Variants in PIEZO2 observed in about 807,000 individuals in gnomAD.
PIEZO2 encodes piezo type mechanosensitive ion channel component 2.
In PIEZO2, 172 loss-of-function variants were observed where a neutral mutation model predicts 337.3. The observed-to-expected ratio is 0.51, with a 90% CI of 0.45 to 0.58. The LOEUF (loss-of-function observed/expected upper bound fraction) is 0.58. PIEZO2 is among the 20% of genes least tolerant of loss of function. The pLI, the probability that PIEZO2 is intolerant of heterozygous loss-of-function variation, is 0.00. For missense variants in PIEZO2, 3,028 were observed against 3,391.3 expected (o/e 0.89, Z 2.66); for synonymous variants, 1,251 against 1,228.5 (o/e 1.02, Z -0.38).
intron 2 of PIEZO2, among the ~76,000 whole-genome samples, chr18:10,990,144 T>C (rs2035034784): frequency 6.6e-6 from 1 of 152,096 alleles, no homozygotes. Context: ...TCAAACAACA[T>C]AGCTGGTGCT....
intron 2 of PIEZO2, among the ~76,000 whole-genome samples, chr18:10,981,916 C>T (rs2145498174): frequency 6.6e-6 from 1 of 152,298 alleles, no homozygotes. Flanking sequence ...TTGCCAGGGG[C>T]ACTTGGGCCT....
chr18:10,885,331 G>A (rs1489055128), intron 4 of PIEZO2, among the ~76,000 whole-genome samples: 1 of 152,156 alleles, frequency 6.6e-6, no homozygotes, highest in East Asian at 1.9e-4. Context: ...GGCTGAGGCA[G>A]GAGAATGGCA....
In PIEZO2 at chr18:10,795,374, ATTTTATTTTATTTTATTTTAT is replaced by A. The variant is rs529106681; in HGVS notation, c.1528-393_1528-373del. Among the ~76,000 whole-genome samples, 13,381 of 56,656 alleles carry A rather than the reference ATTTTATTTTATTTTATTTTAT, an allele frequency of 0.24. 990 individuals are homozygous for A. Among genetic ancestry groups the A allele is most frequent in the African/African-American group, 0.28 (5,728 of 20,356 alleles). The allele number at this position is 56,656 out of a possible 152,430, so 37.2% of individuals were successfully genotyped here. A position where few individuals can be genotyped will look rare whatever the true frequency, so the allele number is the denominator to read the frequency against. ...TTATTATTTTATTTTATTTTATTTT[ATTTTATTTTATTTTATTTTAT>A]TTTATTTTATTTTATTCAGCTCTAT... On this transcript the variant is annotated intron_variant, in intron 12 of 55. Transcript: ENST00000674853. The surrounding 1 kb of genome is among the most constrained non-coding windows in gnomAD (Gnocchi z 4.4).
In PIEZO2 at chr18:10,718,274, CA is replaced by C; in HGVS notation, c.5030-16del. 1 of 1,533,094 alleles carries C rather than the reference CA, an allele frequency of 6.5e-7. No individual in the cohort carries two copies. Among genetic ancestry groups the C allele is most frequent in the South Asian group, 1.2e-5 (1 of 83,928 alleles). 95.0% of individuals were successfully genotyped at this position (1,533,094 alleles called of 1,614,324 possible). Reference sequence around the variant, plus strand: ...TTCCACAGGACCTGCCAAGTGTGTTCAATAAAGATGAGTTAAATTCCATCTA... The same window carrying C: ...TTCCACAGGACCTGCCAAGTGTGTTCATAAAGATGAGTTAAATTCCATCTA... On this transcript the variant is annotated splice_polypyrimidine_tract_variant and intron_variant, in intron 36 of 55. Coordinates refer to ENST00000674853, the MANE Select transcript of PIEZO2 (RefSeq NM_001378183.1).
rs566011908 is a variant in PIEZO2, at chr18:10,803,858, C to G, written c.1200+17G>C. On this transcript the variant is annotated intron_variant, in intron 9 of 55. Transcript: ENST00000674853. ...CAGAAAAATTAGGGAACGGAAATCC[C>G]TTTCATCATGGCTTACTTTTCTCTC... 2.4e-5 allele frequency: 37 copies of G among 1,535,894 alleles called. 1 individual carries two copies. The South Asian group carries it at 4.1e-4, about 17-fold the overall frequency.
rs1472064545 is a variant in PIEZO2, at chr18:10,682,910, C to T, written c.7498-618G>A. Among the ~76,000 whole-genome samples the T allele has an allele frequency of 2.0e-5, 3 of 152,126 alleles. No homozygotes were observed. The highest frequency in any genetic ancestry group is 4.4e-5 in the Non-Finnish European group (3 of 68,034). ...TCACTCTCCTACAGGAGCCTGTGCA[C>T]CAGTAAGGCTGGGAGCACTTCTGTT... On this transcript the variant is annotated intron_variant, in intron 49 of 55. Transcript: ENST00000674853. This position sits in a 1 kb window ranked among gnomAD's most constrained non-coding sequence, Gnocchi z 5.6.
In PIEZO2 at chr18:10,741,061, A is replaced by G; in HGVS notation, c.4678T>C (p.Trp1560Arg). Reference protein sequence around the residue: ...KQKAKGKKKQWWRPWVDHASM... With the variant: ...KQKAKGKKKQRWRPWVDHASM... Reference sequence around the variant, plus strand: ...GCATGATCAACCCAAGGCCGCCACCACTGCTTTTTTTTGCCCTTGGCTTTC... The same window carrying G: ...GCATGATCAACCCAAGGCCGCCACCGCTGCTTTTTTTTGCCCTTGGCTTTC... The change falls in exon 33 of 56, where the codon TGG (tryptophan) becomes CGG (arginine). Residue 1560 changes from tryptophan to arginine, a missense_variant. By Grantham distance (101) the Trp-to-Arg change is moderately radical. Coordinates refer to ENST00000674853, the MANE Select transcript of PIEZO2 (RefSeq NM_001378183.1). The G allele has an allele frequency of 6.5e-7, 1 of 1,537,098 alleles. No individual in the cohort carries two copies. Among genetic ancestry groups the G allele is most frequent in the South Asian group, 1.2e-5 (1 of 84,032 alleles).
intron 1 of PIEZO2, among the ~76,000 whole-genome samples, chr18:11,117,526 C>T (rs918479398): frequency 6.6e-6 from 1 of 152,304 alleles, no homozygotes; most frequent in East Asian, 1.9e-4. Flanking sequence ...AGATCCTGTA[C>T]TGATTTACAT....
chr18:10,758,186 C>A lies in PIEZO2; in HGVS notation c.3758-52G>T. ...AGCCGCCTCATCCTCTTCTGATTTA[C>A]ATAATGCAACACACAGTCATCACAC... On this transcript the variant is annotated intron_variant, in intron 26 of 55. Coordinates refer to ENST00000674853, the MANE Select transcript of PIEZO2 (RefSeq NM_001378183.1). 5.3e-6 allele frequency: 8 copies of A among 1,501,854 alleles called. No individual in the cohort carries two copies. The South Asian group carries it at 1.0e-4, about 19-fold the overall frequency. The allele number at this position is 1,501,854 out of a possible 1,614,324, so 93.0% of individuals were successfully genotyped here.
At chr18:11,058,968 G>A (rs536804705) in intron 2 of PIEZO2, among the ~76,000 whole-genome samples, 68 of 152,316 alleles carry the variant, frequency 4.5e-4, no homozygotes, top group African/African-American at 1.6e-3. Flanking sequence ...ATTCACCAAA[G>A]TTGAAATGAA....
chr18:10,831,204 A>G (rs2040833405), intron 7 of PIEZO2, among the ~76,000 whole-genome samples: 1 of 152,202 alleles, frequency 6.6e-6, no homozygotes, highest in African/African-American at 2.4e-5. Flanking sequence ...GGAAAGAAGT[A>G]TATCGAAGAG....
At position 10,724,921 on chromosome 18, in the gene PIEZO2, C is replaced by T; in HGVS notation, c.5029+6486G>A. The T allele has an allele frequency of 1.2e-6, 2 of 1,607,388 alleles. No individual in the cohort carries two copies. Among genetic ancestry groups the T allele is most frequent in the Non-Finnish European group, 1.7e-6 (2 of 1,176,696 alleles). On this transcript the variant is annotated intron_variant, in intron 36 of 55. Transcript: ENST00000674853. The surrounding 1 kb of genome is among the most constrained non-coding windows in gnomAD (Gnocchi z 5.8). ...GCGTGGCACCCTGGGACAGCCTCCA[C>T]CTGGACGGCGATGGAACCCAGGTGG...
chr18:10,770,130 G>A lies in PIEZO2; in HGVS notation c.2946+18C>T. On this transcript the variant is annotated intron_variant, in intron 21 of 55. Transcript: ENST00000674853. ...TGTGGTTCTGTTCAGCCTGATGATA[G>A]GACAAATGTTCACTTGCCTCTTTCA... 1 of 1,536,664 alleles carries A rather than the reference G, an allele frequency of 6.5e-7. No homozygotes were observed. Among genetic ancestry groups the A allele is most frequent in the African/African-American group, 1.4e-5 (1 of 73,086 alleles).
intron 4 of PIEZO2, among the ~76,000 whole-genome samples, chr18:10,910,458 C>T (rs1293881507): frequency 6.6e-6 from 1 of 152,064 alleles, no homozygotes; most frequent in Admixed American, 6.6e-5. Context: ...TGGTGGGCGC[C>T]TGAGATCCCA....
chr18:11,008,837 G>A (rs2660280), intron 2 of PIEZO2, among the ~76,000 whole-genome samples: 44,256 of 151,976 alleles, frequency 0.29, 6,990 homozygotes, highest in Non-Finnish European at 0.36. Flanking sequence ...AAGGGTAAGC[G>A]GGTGTTCTAA....
chr18:10,919,587 T>C (rs1161670227), intron 3 of PIEZO2, among the ~76,000 whole-genome samples: 1 of 152,122 alleles, frequency 6.6e-6, no homozygotes, highest in African/African-American at 2.4e-5. Context: ...GGCAGGTCTG[T>C]TCACAAACAT....
chr18:10,944,831 A>C (rs2032933304), intron 3 of PIEZO2, among the ~76,000 whole-genome samples: 2 of 152,100 alleles, frequency 1.3e-5, no homozygotes, highest in South Asian at 2.1e-4. Context: ...TTTATGAAAC[A>C]AGTATTTTCA....
At chr18:10,865,529 T>C (rs1251583187) in intron 5 of PIEZO2, among the ~76,000 whole-genome samples, 1 of 152,164 alleles carries the variant, frequency 6.6e-6, no homozygotes, top group Non-Finnish European at 1.5e-5. Flanking sequence ...AAGAAATCCA[T>C]GTCACATCAG....
intron 3 of PIEZO2, among the ~76,000 whole-genome samples, chr18:10,958,941 A>T (rs969806052): frequency 2.0e-5 from 3 of 152,196 alleles, no homozygotes; most frequent in Non-Finnish European, 4.4e-5. Context: ...AAATTACATC[A>T]TTATTGAGAA....
Sources: gnomAD v4.1 joint callset for allele counts (sites outside exome capture counted in the v4.1 genomes callset) on GRCh38, gnomAD v4.1.1 for gene constraint, Gnocchi (gnomAD v3.1) non-coding constraint, MANE v1.5 for transcripts, NCBI Gene and HGNC (gene_info 2026-07-23, HGNC 2026-07-21) for gene names.